Variants in ABI3BP observed in about 807,000 individuals in gnomAD.
ABI3BP encodes ABI family member 3 binding protein.
A neutral mutation model predicts 268.6 loss-of-function variants in ABI3BP; 216 were observed. The ratio of observed to expected loss-of-function variants is 0.80; its 90% CI spans 0.72 to 0.90. ABI3BP has a LOEUF of 0.90. Ranked by LOEUF, ABI3BP falls within the 40% of genes least tolerant of loss-of-function variation. The pLI is 0.00. For missense variants in ABI3BP, 2,090 were observed against 2,182.4 expected (o/e 0.96, Z 0.84); for synonymous variants, 730 against 730.0 (o/e 1.00, Z 0.00).
intron 1 of ABI3BP, among the ~76,000 whole-genome samples, chr3:100,950,062 G>C (rs1027010549): frequency 1.6e-4 from 24 of 152,118 alleles, no homozygotes; most frequent in African/African-American, 5.8e-4. Flanking sequence ...CTCAGTAAGG[G>C]TTGTTTTTGA....
intron 6 of ABI3BP, among the ~76,000 whole-genome samples, chr3:100,879,673 A>G (rs2099205990): frequency 6.6e-6 from 1 of 152,232 alleles, no homozygotes; most frequent in Non-Finnish European, 1.5e-5. Flanking sequence ...ACCAGTGTCC[A>G]GTTAAAGTGA....
At chr3:100,929,701 G>A (rs2062999203) in intron 1 of ABI3BP, among the ~76,000 whole-genome samples, 2 of 151,810 alleles carry the variant, frequency 1.3e-5, no homozygotes, top group East Asian at 3.9e-4. Flanking sequence ...ATTTGTTTTT[G>A]ACCCTTACAA....
intron 38 of ABI3BP, among the ~76,000 whole-genome samples, chr3:100,821,338 A>G (rs1464451778): frequency 6.6e-6 from 1 of 152,202 alleles, no homozygotes; most frequent in Non-Finnish European, 1.5e-5. Context: ...TTATCTAATT[A>G]ATAATACAAA....
chr3:100,882,187 C>T (rs905084470), intron 6 of ABI3BP, among the ~76,000 whole-genome samples: 10 of 152,000 alleles, frequency 6.6e-5, no homozygotes, highest in African/African-American at 1.9e-4. Flanking sequence ...TGCTTGAAAT[C>T]CAAAAAGCAA....
intron 1 of ABI3BP, among the ~76,000 whole-genome samples, chr3:100,955,572 A>G (rs1279143169): frequency 6.6e-6 from 1 of 152,192 alleles, no homozygotes; most frequent in African/African-American, 2.4e-5. Context: ...ATATTTTTAT[A>G]TCTCCCATTT....
At chr3:100,831,665 G>A (rs1030420585) in intron 31 of ABI3BP, among the ~76,000 whole-genome samples, 14 of 152,050 alleles carry the variant, frequency 9.2e-5, no homozygotes, top group Non-Finnish European at 1.6e-4. Context: ...TCTGTCTGGT[G>A]AGCCAACTTC....
intron 9 of ABI3BP, among the ~76,000 whole-genome samples, chr3:100,867,640 CAA>C (rs5851230): frequency 3.0e-4 from 19 of 64,228 alleles, no homozygotes; most frequent in South Asian, 7.6e-4. Flanking sequence ...GACCCCGTCT[CAA>C]AAAAAAAAAA....
intron 49 of ABI3BP, among the ~76,000 whole-genome samples, chr3:100,809,769 A>T (rs1287464300): frequency 6.6e-6 from 1 of 152,130 alleles, no homozygotes; most frequent in Non-Finnish European, 1.5e-5. Context: ...AGCTATTAAG[A>T]GGACTTTTTA....
chr3:100,919,083 ACT>A (rs1211604390), intron 2 of ABI3BP, among the ~76,000 whole-genome samples: 3 of 152,000 alleles, frequency 2.0e-5, no homozygotes, highest in African/African-American at 7.2e-5. Flanking sequence ...CTCTCTAAGG[ACT>A]CTGCCAGGAA....
chr3:100,787,635 G>A (rs2150573862), intron 57 of ABI3BP, 93 bp downstream of exon 57: 1 of 1,099,714 alleles, frequency 9.1e-7, no homozygotes, highest in Non-Finnish European at 1.2e-6. Flanking sequence ...CTGGTAAAAA[G>A]GAAATTAAAA....
rs190683219 is a variant in ABI3BP at position 100,784,702 on chromosome 3, A to G, written c.4162+3026T>C. 4.6e-5 allele frequency among the ~76,000 whole-genome samples: 7 copies of G among 152,288 alleles called. No homozygotes were observed. In the East Asian group the frequency reaches 1.4e-3, roughly 29 times the overall value. On this transcript the variant is annotated intron_variant, in intron 57 of 67. Transcript: ENST00000471714. ...ACACCATGGAATACTACTCAGTGAT[A>G]AAAAAGGAACATGATAACGTCTTTT...
chr3:100,802,239 A>G (rs2097554370), intron 51 of ABI3BP, among the ~76,000 whole-genome samples: 1 of 152,210 alleles, frequency 6.6e-6, no homozygotes, highest in East Asian at 1.9e-4. Flanking sequence ...CACGTAGAAC[A>G]TTCATGAGGA....
In ABI3BP at chr3:100,749,311, G is replaced by GAAAT. The variant is rs150308181; in HGVS notation, c.*1180_*1183dup. On this transcript the variant is annotated 3_prime_UTR_variant, in exon 68 of 68. Coordinates refer to ENST00000471714, the MANE Select transcript of ABI3BP (RefSeq NM_001375547.2). ...AGTTAACATACTGATGAACCATTCA[G>GAAAT]AAATAACAAACAAAAACTCAATCTT... 0.05 allele frequency: 2,768 copies of GAAAT among 55,668 alleles called. 32 individuals carry two copies. The highest frequency in any genetic ancestry group is 0.11 in the Middle Eastern group (24 of 222). 3.4% of individuals were successfully genotyped at this position (55,668 alleles called of 1,614,324 possible).
chr3:100,945,502 C>G (rs2071692662), intron 1 of ABI3BP: 1 of 290,670 alleles, frequency 3.4e-6, no homozygotes. Flanking sequence ...TAGTAAATCT[C>G]TCTGTTCCCA....
intron 66 of ABI3BP, 40 bp from the exon 67 acceptor site, chr3:100,751,714 T>C (rs2095336494): frequency 1.3e-6 from 2 of 1,532,294 alleles, no homozygotes; most frequent in Non-Finnish European, 1.8e-6. Context: ...TTTACTTTCT[T>C]ACTTTGAAAT....
chr3:100,882,716 G>C (rs1277673418), intron 6 of ABI3BP, among the ~76,000 whole-genome samples: 1 of 151,952 alleles, frequency 6.6e-6, no homozygotes, highest in African/African-American at 2.4e-5. Flanking sequence ...AATTCCCTGA[G>C]AGTAAAACGT....
At chr3:100,829,150 AAAAG>A (rs1349270745) in intron 33 of ABI3BP, among the ~76,000 whole-genome samples, 1 of 151,906 alleles carries the variant, frequency 6.6e-6, no homozygotes, top group Admixed American at 6.6e-5. Context: ...TAAAAAAAAA[AAAAG>A]AAGAAGAAGA....
intron 34 of ABI3BP, among the ~76,000 whole-genome samples, chr3:100,827,892 GC>G (rs1560513597): frequency 6.6e-6 from 1 of 151,994 alleles, no homozygotes; most frequent in African/African-American, 2.4e-5. Context: ...AAATCTACTA[GC>G]CTTGATCACA....
intron 56 of ABI3BP, among the ~76,000 whole-genome samples, chr3:100,788,132 G>A (rs551120905): frequency 6.6e-6 from 1 of 152,208 alleles, no homozygotes; most frequent in East Asian, 1.9e-4. Context: ...ACTGAAGAAA[G>A]ATCAGGACTA....
Sources: gnomAD v4.1 joint callset for allele counts (sites outside exome capture counted in the v4.1 genomes callset) on GRCh38, gnomAD v4.1.1 for gene constraint, MANE v1.5 for transcripts, NCBI Gene and HGNC (gene_info 2026-07-23, HGNC 2026-07-21) for gene names.